NOMO3: variants seen among roughly 807,000 people sequenced by gnomAD.
NOMO3 encodes BOS complex subunit NOMO3.
NOMO3 carries 15 observed loss-of-function variants against 69.9 expected under a neutral mutation model. The ratio of observed to expected loss-of-function variants is 0.21; its 90% CI spans 0.14 to 0.33. The LOEUF (loss-of-function observed/expected upper bound fraction) is 0.33. Ranked by LOEUF, NOMO3 falls within the 10% of genes least tolerant of loss-of-function variation. The probability of loss-of-function intolerance (pLI) is 1.00; values close to 1 mark genes in which losing one functional copy is unlikely to be tolerated. For synonymous variants in NOMO3, 89 were observed against 301.9 expected, an observed-to-expected ratio of 0.29 and a Z score of 7.31; for missense variants, 218 against 761.0, an observed-to-expected ratio of 0.29 and a Z score of 8.39.
intron 11 of NOMO3, among the ~76,000 whole-genome samples, chr16:16,258,163 A>G (rs2049531403): frequency 7.0e-6 from 1 of 143,108 alleles, no homozygotes; most frequent in South Asian, 2.2e-4. Flanking sequence ...CAAAAATGCA[A>G]AAATTAGCTA....
At position 16,249,297 on chromosome 16, in the gene NOMO3, G is replaced by A. The variant is rs2856539; in HGVS notation, c.583-1631G>A. Among the ~76,000 whole-genome samples, 664 of 145,098 alleles carry A rather than the reference G, an allele frequency of 4.6e-3. 57 individuals carry two copies. The highest frequency in any genetic ancestry group is 0.016 in the African/African-American group (591 of 36,352). ...AGCAACATTTAAAAATATTTTATTCGAGGCTGGGCGCAGTTGCTCATGCTG... is the reference window on the plus strand; with the variant it reads ...AGCAACATTTAAAAATATTTTATTCAAGGCTGGGCGCAGTTGCTCATGCTG... On this transcript the variant is annotated intron_variant, in intron 6 of 30. Coordinates refer to ENST00000399336, the MANE Select transcript of NOMO3 (RefSeq NM_001004067.4).
intron 4 of NOMO3, among the ~76,000 whole-genome samples, chr16:16,244,150 C>G (rs1272409864): frequency 1.4e-5 from 2 of 141,990 alleles, no homozygotes; most frequent in Non-Finnish European, 3.0e-5. Flanking sequence ...CCTTCCTGTC[C>G]TTCTCTTCAT....
intron 1 of NOMO3, among the ~76,000 whole-genome samples, chr16:16,235,379 G>T (rs2049318328): frequency 6.7e-6 from 1 of 148,484 alleles, no homozygotes; most frequent in Non-Finnish European, 1.5e-5. Context: ...CTGAGCCTCA[G>T]AGTGGTTGAG....
chr16:16,259,018 G>T (rs537443730), intron 11 of NOMO3, among the ~76,000 whole-genome samples: 1 of 142,622 alleles, frequency 7.0e-6, no homozygotes, highest in East Asian at 2.3e-4. Flanking sequence ...AGTCATGGTT[G>T]TCTGGAGGAG....
chr16:16,235,926 A>G, intron 1 of NOMO3: 1 of 426,008 alleles, frequency 2.3e-6, no homozygotes, highest in Middle Eastern at 3.4e-4. Context: ...GAAACCGAAC[A>G]CGAGCTTGCC....
In NOMO3 at chr16:16,274,260, T is replaced by TG. The variant is rs1389948845; in HGVS notation, c.2356+187dup. On this transcript the variant is annotated intron_variant, in intron 20 of 30. Transcript: ENST00000399336. ...TGGATGGATGGATGGATGGTTGGGT[T>TG]GGATGGATGGATGGATGGATGGATG... Among the ~76,000 whole-genome samples, 3 of 8,956 alleles carry TG rather than the reference T, an allele frequency of 3.3e-4. 1 individual carries two copies. The East Asian group carries it at 0.027, about 80-fold the overall frequency. The allele number at this position is 8,956 out of a possible 152,430, so 5.9% of individuals were successfully genotyped here.
rs2049583286 is a variant in NOMO3 at position 16,263,581 on chromosome 16, C to A, written c.1606C>A (p.Leu536Ile). Residue 536 changes from leucine (L) to isoleucine (I), a missense_variant, in exon 14 of 31, where the codon CTC becomes ATC. Physicochemically the swap from Leu to Ile is conservative, Grantham distance 5. Coordinates refer to ENST00000399336, the MANE Select transcript of NOMO3 (RefSeq NM_001004067.4). Reference sequence around the variant, plus strand: ...CCAGGGTGAGAAGCGGAGCCTCCAGCTCTCCGGCAAGGTCAACGCCATGAC... The same window carrying A: ...CCAGGGTGAGAAGCGGAGCCTCCAGATCTCCGGCAAGGTCAACGCCATGAC... Reference protein sequence around the residue: ...SRQGEKRSLQLSGKVNAMTFT... With the variant: ...SRQGEKRSLQISGKVNAMTFT... 2.3e-6 allele frequency: 2 copies of A among 855,728 alleles called. No homozygotes were observed. Among genetic ancestry groups the A allele is most frequent in the Non-Finnish European group, 3.4e-6 (2 of 584,934 alleles). 53.0% of individuals were successfully genotyped at this position (855,728 alleles called of 1,614,324 possible). A position where few individuals can be genotyped will look rare whatever the true frequency, so the allele number is the denominator to read the frequency against.
chr16:16,235,251 C>T (rs1314190497), intron 1 of NOMO3, among the ~76,000 whole-genome samples: 7 of 151,016 alleles, frequency 4.6e-5, no homozygotes, highest in African/African-American at 1.2e-4. Context: ...TGGTGAGATT[C>T]GACTGTTTCA....
At chr16:16,255,872 G>T in intron 10 of NOMO3, 47 bp downstream of exon 10, 3 of 1,492,936 alleles carry the variant, frequency 2.0e-6, no homozygotes, top group Non-Finnish European at 2.7e-6. Context: ...GCTCTTTTTG[G>T]ATCACAGAGA....
chr16:16,265,467 G>C lies in NOMO3; in HGVS notation c.1806+288G>C, dbSNP rs1243816169. On this transcript the variant is annotated intron_variant, in intron 15 of 30. Coordinates refer to ENST00000399336, the MANE Select transcript of NOMO3 (RefSeq NM_001004067.4). ...AGAGCACACTGGCTTTATATTATTAGTAATAATAGCTTTGGGTAAATTCAT... is the reference window on the plus strand; with the variant it reads ...AGAGCACACTGGCTTTATATTATTACTAATAATAGCTTTGGGTAAATTCAT... Among the ~76,000 whole-genome samples the C allele has an allele frequency of 2.9e-5, 4 of 138,190 alleles. 1 individual carries two copies. Among genetic ancestry groups the C allele is most frequent in the Non-Finnish European group, 6.0e-5 (4 of 67,020 alleles). 90.7% of individuals were successfully genotyped at this position (138,190 alleles called of 152,430 possible). A position where few individuals can be genotyped will look rare whatever the true frequency, so the allele number is the denominator to read the frequency against.
intron 1 of NOMO3, chr16:16,236,009 A>C: frequency 3.5e-6 from 1 of 285,700 alleles, no homozygotes; most frequent in South Asian, 3.0e-5. Context: ...CGTGTCTGGT[A>C]ATGCTCAGAA....
At chr16:16,266,393 T>A (rs1246442605) in intron 15 of NOMO3, among the ~76,000 whole-genome samples, 3 of 123,656 alleles carry the variant, frequency 2.4e-5, no homozygotes, top group Non-Finnish European at 4.8e-5. Context: ...GATCCTTTTT[T>A]TTTTTTTTTT....
intron 1 of NOMO3, among the ~76,000 whole-genome samples, chr16:16,235,248 A>G: frequency 1.3e-5 from 2 of 151,036 alleles, no homozygotes; most frequent in Non-Finnish European, 2.9e-5. Context: ...AGCTGGTGAG[A>G]TTCGACTGTT....
chr16:16,242,621 C>A (rs1812614396), intron 3 of NOMO3, among the ~76,000 whole-genome samples: 1 of 142,004 alleles, frequency 7.0e-6, no homozygotes, highest in Admixed American at 6.8e-5. Flanking sequence ...AGCTCATGTC[C>A]TTGGTCAGAG....
intron 16 of NOMO3, among the ~76,000 whole-genome samples, chr16:16,269,335 G>T (rs2049643773): frequency 7.0e-6 from 1 of 142,622 alleles, no homozygotes; most frequent in African/African-American, 2.9e-5. Context: ...ATTCCCCACT[G>T]TGTACCAGTA....
In NOMO3 at chr16:16,251,987, C is replaced by CCAGT; in HGVS notation, c.761_764dup (p.Pro256SerfsTer49). ...GGATGTCCTGGGCTGCAATGTCTCA[C>CCAGT]CAGTGCCTGGGTTCCAGCCCCAAGA... On this transcript the variant is annotated frameshift_variant, in exon 8 of 31. Coordinates refer to ENST00000399336, the MANE Select transcript of NOMO3 (RefSeq NM_001004067.4). LOFTEE classifies it high-confidence loss of function. 7.2e-7 allele frequency: 1 copy of CCAGT among 1,383,170 alleles called. No individual in the cohort carries two copies. The highest frequency in any genetic ancestry group is 9.7e-7 in the Non-Finnish European group (1 of 1,032,208). 85.7% of individuals were successfully genotyped at this position (1,383,170 alleles called of 1,614,324 possible).
chr16:16,266,125 C>T (rs1188064744), intron 15 of NOMO3, among the ~76,000 whole-genome samples: 1 of 140,246 alleles, frequency 7.1e-6, no homozygotes, highest in East Asian at 2.4e-4. Flanking sequence ...TAGATCCCTT[C>T]GTGAATTTTC....
At chr16:16,264,728 A>G (rs2049594229) in intron 14 of NOMO3, among the ~76,000 whole-genome samples, 1 of 139,520 alleles carries the variant, frequency 7.2e-6, no homozygotes, top group South Asian at 2.3e-4. Context: ...TTGTATTTTT[A>G]GTAGAGATGG....
At chr16:16,269,162 G>A (rs2049642842) in intron 16 of NOMO3, among the ~76,000 whole-genome samples, 1 of 143,794 alleles carries the variant, frequency 7.0e-6, no homozygotes. Flanking sequence ...CCTGGGGAAG[G>A]ATGGCCTCCA....
Sources: gnomAD v4.1 joint callset for allele counts (sites outside exome capture counted in the v4.1 genomes callset) on GRCh38, gnomAD v4.1.1 for gene constraint, MANE v1.5 for transcripts, NCBI Gene and HGNC (gene_info 2026-07-23, HGNC 2026-07-21) for gene names.